Variants in SLIT3 observed in about 807,000 individuals in gnomAD.
The protein encoded by SLIT3 is slit guidance ligand 3, also known as slit homolog 3 protein.
A neutral mutation model predicts 184.0 loss-of-function variants in SLIT3; 68 were observed. The observed-to-expected ratio is 0.37, with a 90% confidence interval of 0.30 to 0.45. The LOEUF (loss-of-function observed/expected upper bound fraction) is 0.45. Among genes scored for constraint, SLIT3 ranks in the 20% least tolerant of loss-of-function variants. The pLI, the probability that SLIT3 is intolerant of heterozygous loss-of-function variation, is 1.00. For synonymous variants in SLIT3, 831 were observed against 828.6 expected (o/e 1.00, Z -0.05); for missense variants, 1,707 against 2,026.0 (o/e 0.84, Z 3.02).
At chr5:168,712,520 T>G (rs763005720) in intron 23 of SLIT3, 166 bp from the exon 24 acceptor site, 32 of 628,818 alleles carry the variant, frequency 5.1e-5, no homozygotes, top group Non-Finnish European at 7.4e-5. Flanking sequence ...GAATGTTCTA[T>G]GCCCAGCTCA....
At chr5:169,227,710 G>A (rs905647828) in intron 3 of SLIT3, among the ~76,000 whole-genome samples, 6 of 152,202 alleles carry the variant, frequency 3.9e-5, no homozygotes, top group Admixed American at 1.3e-4. Flanking sequence ...ACAAGCACGT[G>A]CCACCGCGCC....
At chr5:168,750,447 A>G (rs7737347) in intron 18 of SLIT3, among the ~76,000 whole-genome samples, 57,813 of 152,126 alleles carry the variant, frequency 0.38, 11,191 homozygotes, top group Admixed American at 0.45. Flanking sequence ...TTTAAGCGGG[A>G]CAGACAGCCC....
chr5:168,726,875 G>C (rs1763148240), intron 20 of SLIT3, among the ~76,000 whole-genome samples: 1 of 152,072 alleles, frequency 6.6e-6, no homozygotes, highest in African/African-American at 2.4e-5. Context: ...GCTGGATGTG[G>C]AGGCACATGC....
chr5:169,080,832 T>C (rs1243590449), intron 4 of SLIT3, among the ~76,000 whole-genome samples: 1 of 152,224 alleles, frequency 6.6e-6, no homozygotes, highest in East Asian at 1.9e-4. Flanking sequence ...TAAAAGCATG[T>C]TGACCCTAAG....
chr5:169,025,545 AC>A (rs1270137162), intron 4 of SLIT3, among the ~76,000 whole-genome samples: 5 of 151,978 alleles, frequency 3.3e-5, no homozygotes, highest in African/African-American at 7.3e-5. Flanking sequence ...ATTCTGTGGA[AC>A]CCCCAGGAGC....
chr5:168,953,798 C>T (rs1190962695), intron 4 of SLIT3, among the ~76,000 whole-genome samples: 2 of 152,310 alleles, frequency 1.3e-5, no homozygotes, highest in East Asian at 1.9e-4. Context: ...AATTTACTCT[C>T]GGCCCAGGGA....
In SLIT3 at chr5:168,854,632, C is replaced by T. The variant is rs188846403; in HGVS notation, c.486-9977G>A. Among the ~76,000 whole-genome samples, 35 of 152,352 alleles carry T rather than the reference C, an allele frequency of 2.3e-4. No homozygotes were observed. In the East Asian group the frequency reaches 4.8e-3, roughly 21 times the overall value. On this transcript the variant is annotated intron_variant, in intron 5 of 35. Coordinates refer to ENST00000519560, the MANE Select transcript of SLIT3 (RefSeq NM_003062.4). Reference sequence around the variant, plus strand: ...ATGGCCTCTCCGGAGAAATGGTTCTCTTTGCTCCAGGCAAAAGTGGTAAAT... The same window carrying T: ...ATGGCCTCTCCGGAGAAATGGTTCTTTTTGCTCCAGGCAAAAGTGGTAAAT...
At chr5:169,145,558 C>T (rs1581456495) in intron 4 of SLIT3, among the ~76,000 whole-genome samples, 1 of 152,328 alleles carries the variant, frequency 6.6e-6, no homozygotes, top group South Asian at 2.1e-4. Context: ...CAGCCACATA[C>T]ATTGGGCTCC....
intron 4 of SLIT3, among the ~76,000 whole-genome samples, chr5:169,158,771 G>T (rs1762386180): frequency 6.6e-6 from 1 of 152,102 alleles, no homozygotes; most frequent in Non-Finnish European, 1.5e-5. Flanking sequence ...GATAAGTTAT[G>T]CACATATAAT....
chr5:168,724,505 C>G (rs549936453), intron 20 of SLIT3, 21 bp from the exon 21 acceptor site: 2 of 1,605,356 alleles, frequency 1.2e-6, no homozygotes, highest in African/African-American at 1.3e-5. Context: ...TGTGGAGAGA[C>G]AACACCTGAG....
chr5:168,776,091 T>C (rs1021181625), intron 12 of SLIT3, among the ~76,000 whole-genome samples: 4 of 152,140 alleles, frequency 2.6e-5, no homozygotes, highest in Non-Finnish European at 5.9e-5. Flanking sequence ...CCCTCCCTGG[T>C]GGGGAATGAC....
chr5:168,778,481 C>T (rs1055301933), intron 12 of SLIT3, among the ~76,000 whole-genome samples: 2 of 152,194 alleles, frequency 1.3e-5, no homozygotes, highest in Non-Finnish European at 2.9e-5. Context: ...TTTGGAAGAC[C>T]CTGCTTGCCT....
chr5:168,834,706 AAAAAAAAAAAAAAAAAAAAGATGG>A, intron 6 of SLIT3, among the ~76,000 whole-genome samples: 1 of 147,308 alleles, frequency 6.8e-6, no homozygotes. Context: ...AAAAAAAAAA[AAAAAAAAAAAAAAAAAAAAGATGG>A]AGGTGGAAGG....
intron 4 of SLIT3, among the ~76,000 whole-genome samples, chr5:168,927,581 G>A (rs776486761): frequency 1.3e-5 from 2 of 152,080 alleles, no homozygotes; most frequent in Non-Finnish European, 2.9e-5. Context: ...ATTCAACACC[G>A]GAGACCCCTG....
chr5:168,670,340 A>C lies in SLIT3; in HGVS notation c.4128-349T>G, dbSNP rs181743029. Among the ~76,000 whole-genome samples, 7 of 152,328 alleles carry C rather than the reference A, an allele frequency of 4.6e-5. No homozygotes were observed. The East Asian group carries it at 1.3e-3, about 29-fold the overall frequency. On this transcript the variant is annotated intron_variant, in intron 34 of 35. Coordinates refer to ENST00000519560, the MANE Select transcript of SLIT3 (RefSeq NM_003062.4). ...TGCTTTACCATCTTAAATAAGAATT[A>C]CTACCACCCCACTACTACCAGCAGG... is the stretch of plus-strand genomic sequence containing the variant.
chr5:169,038,756 T>C (rs910737695), intron 4 of SLIT3, among the ~76,000 whole-genome samples: 3 of 143,588 alleles, frequency 2.1e-5, no homozygotes, highest in Non-Finnish European at 4.5e-5. Context: ...CTCCACAGCC[T>C]GCGTTCTATG....
intron 32 of SLIT3, among the ~76,000 whole-genome samples, chr5:168,676,395 G>A (rs1329196172): frequency 6.6e-6 from 1 of 152,218 alleles, no homozygotes; most frequent in East Asian, 1.9e-4. Context: ...AGTGGGAGGT[G>A]GAGTGGTGGG....
chr5:168,842,360 T>C (rs1371844878), intron 6 of SLIT3, among the ~76,000 whole-genome samples: 2 of 152,010 alleles, frequency 1.3e-5, no homozygotes, highest in East Asian at 3.9e-4. Flanking sequence ...TCAGATCCTA[T>C]GGGCTCTTTG....
chr5:168,807,621 G>A (rs929831190), intron 8 of SLIT3, among the ~76,000 whole-genome samples: 18 of 152,296 alleles, frequency 1.2e-4, no homozygotes, highest in Admixed American at 9.1e-4. Flanking sequence ...TCAGGGAAAA[G>A]AGCCATGACT....
Sources: allele counts gnomAD v4.1 joint callset (sites outside exome capture counted in the v4.1 genomes callset), GRCh38; gene constraint gnomAD v4.1.1; transcripts MANE v1.5; gene names NCBI Gene and HGNC (gene_info 2026-07-23, HGNC 2026-07-21).